The following EHMT1 variants were observed in gnomAD, a reference collection of about 807,000 sequenced individuals.
EHMT1 encodes euchromatic histone lysine methyltransferase 1.
A neutral mutation model predicts 147.2 loss-of-function variants in EHMT1; 15 were observed. That is an observed-to-expected ratio of 0.10 (90% CI 0.07 to 0.16). The LOEUF (loss-of-function observed/expected upper bound fraction) is 0.16, where lower values mean the gene tolerates loss of function less well. Among genes scored for constraint, EHMT1 ranks in the 10% least tolerant of loss-of-function variants. The pLI is 1.00. For synonymous variants in EHMT1, 795 were observed against 709.6 expected (o/e 1.12, Z -1.91); for missense variants, 1,587 against 1,772.4 (o/e 0.90, Z 1.88).
chr9:137,834,834 T>A lies in EHMT1; in HGVS notation c.3778T>A (p.Ser1260Thr), dbSNP rs780101960. Reference sequence around the variant, plus strand: ...CAAGCTCTTCAGCTGCCGCTGCGGCTCCCCCAAGTGCCGGCACTCGAGCGC... The same window carrying A: ...CAAGCTCTTCAGCTGCCGCTGCGGCACCCCCAAGTGCCGGCACTCGAGCGC... ...KGKLFSCRCG[S>T]PKCRHSSAAL... Residue 1260 changes from serine to threonine, a missense_variant, in exon 27 of 27, where the codon TCC becomes ACC. By Grantham distance (58) the Ser-to-Thr change is moderately conservative. Coordinates refer to ENST00000460843, the MANE Select transcript of EHMT1 (RefSeq NM_024757.5). 6.2e-7 allele frequency: 1 copy of A among 1,612,388 alleles called. No individual in the cohort carries two copies. The highest frequency in any genetic ancestry group is 8.5e-7 in the Non-Finnish European group (1 of 1,179,626).
At chr9:137,741,566 C>A (rs1039619283) in intron 4 of EHMT1, among the ~76,000 whole-genome samples, 2 of 152,136 alleles carry the variant, frequency 1.3e-5, no homozygotes, top group African/African-American at 4.8e-5. Flanking sequence ...TATTAATAAC[C>A]ATGGGTTACT....
chr9:137,781,042 T>TGTGGTGAC (rs1951432654), intron 14 of EHMT1, among the ~76,000 whole-genome samples: 1 of 111,424 alleles, frequency 9.0e-6, no homozygotes. Context: ...CGTGTGGTGA[T>TGTGGTGAC]GACGCCGAGA....
chr9:137,745,678 C>T (rs1948487219), intron 6 of EHMT1: 2 of 397,130 alleles, frequency 5.0e-6, no homozygotes, highest in Admixed American at 4.4e-5. Flanking sequence ...CGCTCCAGTG[C>T]ACTGTCTGTT....
At position 137,690,831 on chromosome 9, in the gene EHMT1, A is replaced by G. The variant is rs184154921; in HGVS notation, c.22-20136A>G. 4.6e-5 allele frequency among the ~76,000 whole-genome samples: 7 copies of G among 152,330 alleles called. No homozygotes were observed. In the East Asian group the frequency reaches 1.3e-3, roughly 29 times the overall value. ...ACTGCTGCTTTAAACAGCATCATATATTCTTCCACATGTACATGTCCAAGA... is the reference window on the plus strand; with the variant it reads ...ACTGCTGCTTTAAACAGCATCATATGTTCTTCCACATGTACATGTCCAAGA... On this transcript the variant is annotated intron_variant, in intron 1 of 26. Coordinates refer to ENST00000460843, the MANE Select transcript of EHMT1 (RefSeq NM_024757.5).
intron 1 of EHMT1, among the ~76,000 whole-genome samples, chr9:137,680,649 T>G (rs773648095): frequency 6.6e-6 from 1 of 152,234 alleles, no homozygotes; most frequent in Non-Finnish European, 1.5e-5. Context: ...CCATGTTTTC[T>G]TAGCAACCAT....
intron 10 of EHMT1, chr9:137,763,228 C>T: frequency 2.7e-6 from 1 of 375,182 alleles, no homozygotes; most frequent in Non-Finnish European, 5.0e-6. Context: ...GGGCCTCGGC[C>T]ACCTCCCTCC....
chr9:137,745,426 T>A (rs1427924872), intron 6 of EHMT1: 1 of 398,118 alleles, frequency 2.5e-6, no homozygotes, highest in African/African-American at 2.1e-5. Context: ...GATTTAAAAA[T>A]TTTTTATTTT....
chr9:137,802,756 C>T, intron 18 of EHMT1: 1 of 1,190,542 alleles, frequency 8.4e-7, no homozygotes, highest in South Asian at 4.3e-5. Context: ...AGTGACTGGT[C>T]CTGAGCTGCA....
intron 4 of EHMT1, among the ~76,000 whole-genome samples, chr9:137,735,593 C>T (rs1305558487): frequency 6.6e-6 from 1 of 152,148 alleles, no homozygotes; most frequent in Non-Finnish European, 1.5e-5. Flanking sequence ...AATCAAAAGA[C>T]GAAGATTGGC....
chr9:137,678,843 A>G (rs1941657004), intron 1 of EHMT1, among the ~76,000 whole-genome samples: 1 of 152,100 alleles, frequency 6.6e-6, no homozygotes, highest in Non-Finnish European at 1.5e-5. Context: ...ACACAGGGAC[A>G]GAGAAAGGAC....
In EHMT1 at chr9:137,717,058, C is replaced by A. The variant is rs762192411; in HGVS notation, c.518C>A (p.Ala173Asp). The A allele has an allele frequency of 8.7e-6, 14 of 1,607,022 alleles. No individual in the cohort carries two copies. The East Asian group carries it at 1.1e-4, about 13-fold the overall frequency. Residue 173 changes from alanine (A) to aspartate (D), a missense_variant, in exon 3 of 27, where the codon GCC (alanine) becomes GAC (aspartate). Around this residue, in one of 7 missense-constraint regions of EHMT1, gnomAD observed 810 missense variants for 673.0 expected, o/e 1.20. Transcript: ENST00000460843. ...CCAAGCGCTTTTCCCCAGACGCCAGCCGCCCCACCAGCCACCCTTGGGGAG... is the reference window on the plus strand; with the variant it reads ...CCAAGCGCTTTTCCCCAGACGCCAGACGCCCCACCAGCCACCCTTGGGGAG... ...RTPSAFPQTP[A>D]APPATLGEGS...
intron 2 of EHMT1, chr9:137,715,910 A>C (rs899897654): frequency 2.2e-6 from 2 of 899,208 alleles, no homozygotes; most frequent in African/African-American, 3.6e-5. Flanking sequence ...GTTAATGCTT[A>C]AGAAATGTTT....
At position 137,725,819 on chromosome 9, in the gene EHMT1, C is replaced by T. The variant is rs566577435; in HGVS notation, c.643-2530C>T. ...AGCCAGCCCCAAGAGTACTCGCTCC[C>T]CTGTGCCTTCCAGCTCGCCCTGGCA... is the stretch of plus-strand genomic sequence containing the variant. On this transcript the variant is annotated intron_variant, in intron 3 of 26. Coordinates refer to ENST00000460843, the MANE Select transcript of EHMT1 (RefSeq NM_024757.5). 2.0e-5 allele frequency among the ~76,000 whole-genome samples: 3 copies of T among 152,198 alleles called. No homozygotes were observed. In the South Asian group the frequency reaches 6.2e-4, roughly 32 times the overall value.
chr9:137,730,814 A>C (rs924414270), intron 4 of EHMT1, among the ~76,000 whole-genome samples: 1 of 152,224 alleles, frequency 6.6e-6, no homozygotes, highest in African/African-American at 2.4e-5. Context: ...CCAGGGCCGG[A>C]ATCGGCTTTC....
intron 3 of EHMT1, among the ~76,000 whole-genome samples, chr9:137,723,262 T>C (rs1375031398): frequency 1.2e-5 from 1 of 83,844 alleles, no homozygotes; most frequent in African/African-American, 6.8e-5. Context: ...GGGGTGTGCC[T>C]GTGTCTGTGG....
intron 18 of EHMT1, among the ~76,000 whole-genome samples, chr9:137,809,447 A>C (rs928572047): frequency 5.9e-5 from 9 of 152,146 alleles, no homozygotes; most frequent in Non-Finnish European, 8.8e-5. Context: ...GGCAGAGCTC[A>C]AATGGAAGCA....
At chr9:137,802,736 G>A in intron 18 of EHMT1, 2 of 1,088,440 alleles carry the variant, frequency 1.8e-6, no homozygotes, top group Non-Finnish European at 2.3e-6. Context: ...AGGCACGCAG[G>A]CCTCTCTGGA....
intron 15 of EHMT1, among the ~76,000 whole-genome samples, chr9:137,789,545 C>T (rs895860273): frequency 6.6e-6 from 1 of 152,106 alleles, no homozygotes; most frequent in Non-Finnish European, 1.5e-5. Context: ...GTTTGGCAGC[C>T]GGACCTTGGC....
At chr9:137,808,923 C>T (rs1292190111) in intron 18 of EHMT1, among the ~76,000 whole-genome samples, 1 of 151,164 alleles carries the variant, frequency 6.6e-6, no homozygotes, top group Non-Finnish European at 1.5e-5. Flanking sequence ...GACTCCGCCT[C>T]TAAAAAAAAA....
Sources: allele counts gnomAD v4.1 joint callset (sites outside exome capture counted in the v4.1 genomes callset), GRCh38; gene constraint gnomAD v4.1.1; regional missense constraint gnomAD v4.1.1; transcripts MANE v1.5; gene names NCBI Gene and HGNC (gene_info 2026-07-23, HGNC 2026-07-21).